Variants in ZNF766 observed in about 807,000 individuals in gnomAD.
The protein encoded by ZNF766 is zinc finger protein 766.
Under a neutral mutation model 13.2 loss-of-function variants are expected in ZNF766, and 13 were observed. That is an observed-to-expected ratio of 0.98 (90% confidence interval 0.64 to 1.56). The LOEUF is 1.56. ZNF766 is among the 40% of genes most tolerant of loss of function. The probability of loss-of-function intolerance (pLI) is 0.00; values close to 1 mark genes in which losing one functional copy is unlikely to be tolerated. For missense variants in ZNF766, 521 were observed against 552.2 expected, an observed-to-expected ratio of 0.94 and a Z score of 0.57; for synonymous variants, 178 against 187.6, an observed-to-expected ratio of 0.95 and a Z score of 0.42.
chr19:52,292,270 T>C lies in ZNF766; in HGVS notation c.*1072T>C. On this transcript the variant is annotated 3_prime_UTR_variant, in exon 4 of 4. Transcript: ENST00000439461. ...CACTGCCTTTTCAGATTAAAGATTGTCTGATTTAGAGACCATGGAGGTGGA... is the reference window on the plus strand; with the variant it reads ...CACTGCCTTTTCAGATTAAAGATTGCCTGATTTAGAGACCATGGAGGTGGA... The C allele has an allele frequency of 1.5e-6, 1 of 688,552 alleles. No homozygotes were observed. The highest frequency in any genetic ancestry group is 2.6e-6 in the Non-Finnish European group (1 of 380,124). 42.7% of individuals were successfully genotyped at this position (688,552 alleles called of 1,614,324 possible).
intron 3 of ZNF766, among the ~76,000 whole-genome samples, chr19:52,288,886 C>G (rs1981967961): frequency 6.6e-6 from 1 of 152,060 alleles, no homozygotes; most frequent in Non-Finnish European, 1.5e-5. Context: ...TGCTCTGTCA[C>G]CCAGGCTGGA....
rs1160668623 is a variant in ZNF766, at chr19:52,290,604, C to T, written c.813C>T (p.Tyr271=). ...HEKVHTGESP[Y]KCNECGKVFS... ...AAGTGCATACTGGAGAGAGTCCTTACAAATGTAATGAGTGTGGCAAGGTCT... is the reference window on the plus strand; with the variant it reads ...AAGTGCATACTGGAGAGAGTCCTTATAAATGTAATGAGTGTGGCAAGGTCT... Residue 271 remains tyrosine, a synonymous_variant, in exon 4 of 4, where the codon TAC becomes TAT. Transcript: ENST00000439461. 1.2e-6 allele frequency: 2 copies of T among 1,614,010 alleles called. No individual in the cohort carries two copies. Among genetic ancestry groups the T allele is most frequent in the Middle Eastern group, 1.7e-4 (1 of 6,060 alleles).
chr19:52,274,312 A>C (rs900534210), intron 1 of ZNF766: 1 of 152,448 alleles, frequency 6.6e-6, no homozygotes. Context: ...GGTCAACAGC[A>C]GCCCACACCT....
chr19:52,285,177 A>G (rs891632457), intron 3 of ZNF766: 7 of 152,186 alleles, frequency 4.6e-5, no homozygotes, highest in African/African-American at 7.2e-5. Context: ...CTCGCAAACC[A>G]TGTTTTTCCT....
rs56164001 is a variant in ZNF766 at position 52,292,484 on chromosome 19, G to C, written c.*1286G>C. The C allele has an allele frequency of 8.2e-5, 27 of 329,718 alleles. No homozygotes were observed. Among genetic ancestry groups the C allele is most frequent in the Non-Finnish European group, 1.4e-4 (25 of 182,538 alleles). 20.4% of individuals were successfully genotyped at this position (329,718 alleles called of 1,614,324 possible). On this transcript the variant is annotated 3_prime_UTR_variant, in exon 4 of 4. Transcript: ENST00000439461. ...CTGATTACGTAGGAGAGACGATGCA[G>C]GGGAAATGGTGGCCACCGTCTCCAT... is the stretch of plus-strand genomic sequence containing the variant.
At chr19:52,281,809 T>A (rs550643742) in intron 1 of ZNF766, 5 of 523,410 alleles carry the variant, frequency 9.6e-6, no homozygotes, top group South Asian at 7.2e-5. Flanking sequence ...CAAGTGATAT[T>A]CATTGTCTAC....
Position 52,291,289 on chromosome 19 carries a change from C to T in ZNF766, c.*91C>T. The T allele has an allele frequency of 7.8e-7, 1 of 1,279,462 alleles. No homozygotes were observed. Among genetic ancestry groups the T allele is most frequent in the Non-Finnish European group, 1.1e-6 (1 of 930,248 alleles). The allele number at this position is 1,279,462 out of a possible 1,614,324, so 79.3% of individuals were successfully genotyped here. A position where few individuals can be genotyped will look rare whatever the true frequency, so the allele number is the denominator to read the frequency against. ...TCATTTAAATGTACTATATGTGGCA[C>T]AGGCTGTATCGAGACCTACCAAATC... On this transcript the variant is annotated 3_prime_UTR_variant, in exon 4 of 4. Transcript: ENST00000439461.
Position 52,290,332 on chromosome 19 carries a change from C to T in ZNF766, c.541C>T (p.His181Tyr). The change falls in exon 4 of 4, where the codon CAC (histidine) becomes TAC (tyrosine). Residue 181 changes from histidine to tyrosine, a missense_variant. By Grantham distance (83) the His-to-Tyr change is moderately conservative. Transcript: ENST00000439461. ...ATTGCTGTCACAAGAACAGAAAGCA[C>T]ACATTAGGAGAAAACCTTACGAATG... ...FPLLSQEQKA[H>Y]IRRKPYECNE... 2 of 1,614,048 alleles carry T rather than the reference C, an allele frequency of 1.2e-6. No homozygotes were observed. Among genetic ancestry groups the T allele is most frequent in the South Asian group, 1.1e-5 (1 of 91,076 alleles).
In ZNF766 at chr19:52,290,128, A is replaced by G; in HGVS notation, c.337A>G (p.Thr113Ala). 6.2e-7 allele frequency: 1 copy of G among 1,614,168 alleles called. No homozygotes were observed. Among genetic ancestry groups the G allele is most frequent in the Non-Finnish European group, 8.5e-7 (1 of 1,179,998 alleles). The change falls in exon 4 of 4, where the codon ACC becomes GCC. Residue 113 changes from threonine to alanine, a missense_variant. Coordinates refer to ENST00000439461, the MANE Select transcript of ZNF766 (RefSeq NM_001010851.3). ...GCCTATTACAAATCAACTTGGATTA[A>G]CCTTTCAGTTACCTCTGCCAGAACT... ...NKPITNQLGLTFQLPLPELEI... is the reference protein window; with the variant it reads ...NKPITNQLGLAFQLPLPELEI...
At chr19:52,277,861 C>CT (rs767339199) in intron 1 of ZNF766, among the ~76,000 whole-genome samples, 17 of 152,040 alleles carry the variant, frequency 1.1e-4, no homozygotes, top group Non-Finnish European at 2.2e-4. Context: ...TCTGGATGCT[C>CT]TGTCAGCTCT....
chr19:52,290,557 G>A lies in ZNF766; in HGVS notation c.766G>A (p.Ala256Thr). The change falls in exon 4 of 4, where the codon GCA becomes ACA. Residue 256 changes from alanine (A) to threonine (T), a missense_variant. By Grantham distance (58) the Ala-to-Thr change is moderately conservative (BLOSUM62 0). Coordinates refer to ENST00000439461, the MANE Select transcript of ZNF766 (RefSeq NM_001010851.3). ...GTGTGGCAAGCTCTTCAATCGAATT[G>A]CATACCTTGCACGACACGAGAAAGT... is the stretch of plus-strand genomic sequence containing the variant. ...KECGKLFNRI[A>T]YLARHEKVHT... is the part of the protein sequence containing the mutation. 6.2e-7 allele frequency: 1 copy of A among 1,613,764 alleles called. No homozygotes were observed. The highest frequency in any genetic ancestry group is 8.5e-7 in the Non-Finnish European group (1 of 1,179,916).
At chr19:52,271,345 G>T (rs1980964034) in intron 1 of ZNF766, among the ~76,000 whole-genome samples, 1 of 152,098 alleles carries the variant, frequency 6.6e-6, no homozygotes, top group East Asian at 1.9e-4. Context: ...TTAAATTGTG[G>T]GTCATCCAGC....
In ZNF766 at chr19:52,290,514, A is replaced by G; in HGVS notation, c.723A>G (p.Lys241=). ...ATTGGAGAATTCGTACAGGAGAGAA[A>G]CCTTACAAATGTAAAGAGTGTGGCA... The part of the protein sequence containing the change: ...AEHWRIRTGE[K]PYKCKECGKL... Residue 241 remains lysine, a synonymous_variant, in exon 4 of 4, where the codon AAA becomes AAG. Coordinates refer to ENST00000439461, the MANE Select transcript of ZNF766 (RefSeq NM_001010851.3). 6.2e-7 allele frequency: 1 copy of G among 1,614,168 alleles called. No homozygotes were observed. Among genetic ancestry groups the G allele is most frequent in the Non-Finnish European group, 8.5e-7 (1 of 1,180,010 alleles).
At chr19:52,283,587 G>GC (rs1452710036) in intron 3 of ZNF766, among the ~76,000 whole-genome samples, 174 bp downstream of exon 3, 3 of 151,984 alleles carry the variant, frequency 2.0e-5, no homozygotes, top group African/African-American at 7.3e-5. Context: ...ATAGGCATGT[G>GC]CCCCTTGCCT....
At chr19:52,273,033 G>T (rs1166701155) in intron 1 of ZNF766, among the ~76,000 whole-genome samples, 1 of 151,304 alleles carries the variant, frequency 6.6e-6, no homozygotes, top group Non-Finnish European at 1.5e-5. Context: ...TTTTCGAGAC[G>T]GAGTCTTGCT....
At position 52,290,354 on chromosome 19, in the gene ZNF766, AATGTAATG is replaced by A; in HGVS notation, c.565_572del (p.Cys189AlafsTer13). On this transcript the variant is annotated frameshift_variant, in exon 4 of 4. Transcript: ENST00000439461. LOFTEE classifies it low-confidence loss of function (END_TRUNC). Reference sequence around the variant, plus strand: ...GCACACATTAGGAGAAAACCTTACGAATGTAATGAGCAGGGCAAAGTCTTCAGAGTGTC... The same window carrying A: ...GCACACATTAGGAGAAAACCTTACGAAGCAGGGCAAAGTCTTCAGAGTGTC... 2 of 1,614,102 alleles carry A rather than the reference AATGTAATG, an allele frequency of 1.2e-6. No homozygotes were observed. Among genetic ancestry groups the A allele is most frequent in the African/African-American group, 2.7e-5 (2 of 75,060 alleles).
chr19:52,281,328 G>A, intron 1 of ZNF766: 1 of 243,172 alleles, frequency 4.1e-6, no homozygotes. Context: ...AGACCAGCCT[G>A]AGCAACATGG....
chr19:52,274,217 C>CT (rs139646444), intron 1 of ZNF766, among the ~76,000 whole-genome samples: 23,188 of 152,034 alleles, frequency 0.15, 2,055 homozygotes, highest in African/African-American at 0.23. Context: ...TTCCAAGATC[C>CT]CCCCAAGACT....
intron 2 of ZNF766, among the ~76,000 whole-genome samples, chr19:52,283,044 C>A (rs1735255797): frequency 6.6e-6 from 1 of 152,030 alleles, no homozygotes; most frequent in Non-Finnish European, 1.5e-5. Flanking sequence ...GGTTCTAGAT[C>A]CTTGAGGAAT....
Sources: allele counts gnomAD v4.1 joint callset (sites outside exome capture counted in the v4.1 genomes callset), GRCh38; gene constraint gnomAD v4.1.1; transcripts MANE v1.5; gene names NCBI Gene and HGNC (gene_info 2026-07-23, HGNC 2026-07-21).